MAN1B1: variants seen among roughly 807,000 people sequenced by gnomAD.
MAN1B1 encodes endoplasmic reticulum mannosyl-oligosaccharide 1,2-alpha-mannosidase.
A neutral mutation model predicts 75.5 loss-of-function variants in MAN1B1; 66 were observed. The ratio of observed to expected loss-of-function variants is 0.87; its 90% CI spans 0.72 to 1.07. The LOEUF (loss-of-function observed/expected upper bound fraction) is 1.07. Ranked by LOEUF, MAN1B1 falls within the 50% of genes least tolerant of loss-of-function variation. MAN1B1 has a pLI of 0.00. For synonymous variants in MAN1B1, 453 were observed against 382.8 expected (o/e 1.18, Z -2.14); for missense variants, 973 against 912.5 (o/e 1.07, Z -0.85).
chr9:137,099,673 C>T (rs1564281240), intron 5 of MAN1B1, 23 bp from the exon 6 acceptor site: 26 of 1,613,688 alleles, frequency 1.6e-5, no homozygotes, highest in Non-Finnish European at 1.9e-5. Flanking sequence ...CCGCCATGGC[C>T]TGTGCTCTCT....
At chr9:137,099,905 G>A in intron 6 of MAN1B1, 24 bp downstream of exon 6, 1 of 1,613,842 alleles carries the variant, frequency 6.2e-7, no homozygotes, top group Non-Finnish European at 8.5e-7. Flanking sequence ...TCTGGGGAGG[G>A]GCTGAGCCCT....
chr9:137,105,962 G>C lies in MAN1B1; in HGVS notation c.1255-163G>C, dbSNP rs1588649824. 4 of 710,558 alleles carry C rather than the reference G, an allele frequency of 5.6e-6. No individual in the cohort carries two copies. The East Asian group carries it at 8.1e-5, about 14-fold the overall frequency. 44.0% of individuals were successfully genotyped at this position (710,558 alleles called of 1,614,324 possible). Reference sequence around the variant, plus strand: ...TGTGGCTGTGTGGTACGGCCACCAGGAGCCATGTGGGCAAGGACAGCTGTG... The same window carrying C: ...TGTGGCTGTGTGGTACGGCCACCAGCAGCCATGTGGGCAAGGACAGCTGTG... On this transcript the variant is annotated intron_variant, in intron 8 of 12. Transcript: ENST00000371589.
At chr9:137,097,400 C>T (rs746015113) in intron 4 of MAN1B1, among the ~76,000 whole-genome samples, 1 of 152,190 alleles carries the variant, frequency 6.6e-6, no homozygotes, top group Non-Finnish European at 1.5e-5. Flanking sequence ...GGACAGAACT[C>T]GATGGGGAGT....
intron 8 of MAN1B1, chr9:137,103,720 G>C (rs1435520164): frequency 4.8e-5 from 21 of 435,404 alleles, no homozygotes; most frequent in Non-Finnish European, 1.4e-5. Flanking sequence ...GCAGGTCCGT[G>C]GTGTTACACA....
chr9:137,095,501 G>C (rs1055720579), intron 3 of MAN1B1, among the ~76,000 whole-genome samples: 1 of 152,010 alleles, frequency 6.6e-6, no homozygotes, highest in African/African-American at 2.4e-5. Flanking sequence ...GGAGGAATTC[G>C]TGAGGCCAGG....
chr9:137,101,045 C>G lies in MAN1B1; in HGVS notation c.957C>G (p.His319Gln). Residue 319 changes from histidine to glutamine, a missense_variant, in exon 7 of 13, where the codon CAC (histidine) becomes CAG (glutamine). His to Gln is a conservative substitution (Grantham distance 24). Coordinates refer to ENST00000371589, the MANE Select transcript of MAN1B1 (RefSeq NM_016219.5). ...EARKWVSKKLHFEKDVDVNLF... is the reference protein window; with the variant it reads ...EARKWVSKKLQFEKDVDVNLF... ...GGAAGTGGGTGTCGAAGAAGTTACA[C>G]TTTGAAAAGGACGTGGACGTCAACC... is the stretch of plus-strand genomic sequence containing the variant. 1 of 1,614,216 alleles carries G rather than the reference C, an allele frequency of 6.2e-7. No individual in the cohort carries two copies. Among genetic ancestry groups the G allele is most frequent in the Non-Finnish European group, 8.5e-7 (1 of 1,180,042 alleles).
rs374408786 is a variant in MAN1B1 at position 137,106,076 on chromosome 9, T to A, written c.1255-49T>A. The A allele has an allele frequency of 3.1e-4, 469 of 1,491,562 alleles. 5 individuals carry two copies. Among genetic ancestry groups the A allele is most frequent in the Non-Finnish European group, 6.2e-5 (67 of 1,073,766 alleles). The allele number at this position is 1,491,562 out of a possible 1,614,324, so 92.4% of individuals were successfully genotyped here. A position where few individuals can be genotyped will look rare whatever the true frequency, so the allele number is the denominator to read the frequency against. On this transcript the variant is annotated intron_variant, in intron 8 of 12. Transcript: ENST00000371589. Reference sequence around the variant, plus strand: ...CACAGAGCCCCTCTACAGCTCACCCTGCAGCTCGGCCCTGGCCAGTAAACC... The same window carrying A: ...CACAGAGCCCCTCTACAGCTCACCCAGCAGCTCGGCCCTGGCCAGTAAACC...
chr9:137,098,005 C>T (rs930794030), intron 5 of MAN1B1, 68 bp downstream of exon 5: 34 of 1,259,584 alleles, frequency 2.7e-5, no homozygotes, highest in African/African-American at 4.4e-5. Context: ...GTGCAGGCTT[C>T]GTCTCAGCCA....
intron 6 of MAN1B1, 49 bp from the exon 7 acceptor site, chr9:137,100,956 G>A (rs199928734): frequency 1.3e-4 from 206 of 1,608,762 alleles, no homozygotes; most frequent in Admixed American, 4.8e-4. Context: ...ATAGGAAAAC[G>A]TTGGAGCCAT....
chr9:137,105,532 C>T (rs1204393022), intron 8 of MAN1B1: 15 of 262,802 alleles, frequency 5.7e-5, no homozygotes, highest in African/African-American at 9.4e-5. Flanking sequence ...TGGGTGTCTG[C>T]GTTGGGTAGA....
chr9:137,104,142 C>G (rs981689639), intron 8 of MAN1B1: 1 of 445,430 alleles, frequency 2.2e-6, no homozygotes, highest in Non-Finnish European at 4.6e-6. Flanking sequence ...TCATGTCCCT[C>G]CCCAGTCCCT....
chr9:137,089,003 CA>C lies in MAN1B1; in HGVS notation c.464del (p.Gln155ArgfsTer23). 1.2e-6 allele frequency: 2 copies of C among 1,613,988 alleles called. No individual in the cohort carries two copies. The highest frequency in any genetic ancestry group is 1.7e-6 in the Non-Finnish European group (2 of 1,180,000). On this transcript the variant is annotated frameshift_variant and splice_region_variant, in exon 3 of 13. Coordinates refer to ENST00000371589, the MANE Select transcript of MAN1B1 (RefSeq NM_016219.5). LOFTEE classifies it high-confidence loss of function. ...DPENLPEISS[Q>X]KTQRHIQRGP... ...TGAGAACTTACCTGAGATTTCGTCA[CA>C]GGTACTTTGAGCAAATGGTGTGGGG... is the stretch of plus-strand genomic sequence containing the variant.
intron 1 of MAN1B1, 126 bp from the exon 2 acceptor site, chr9:137,087,949 A>C (rs1348646191): frequency 3.5e-6 from 3 of 856,768 alleles, no homozygotes; most frequent in Non-Finnish European, 5.7e-6. Flanking sequence ...TTCCAAAAAA[A>C]AAAAGAAATA....
rs914721991 is a variant in MAN1B1 at position 137,108,978 on chromosome 9, T to TC, written c.*391dup. On this transcript the variant is annotated 3_prime_UTR_variant, in exon 13 of 13. Transcript: ENST00000371589. ...GCCCGGGCTCGTGAAGCCTCAGATG[T>TC]CCCCAATCCAAGGGTCTGGAGGGGC... 1.1e-5 allele frequency: 5 copies of TC among 463,918 alleles called. No homozygotes were observed. The highest frequency in any genetic ancestry group is 2.2e-5 in the Non-Finnish European group (5 of 232,382). The allele number at this position is 463,918 out of a possible 1,614,324, so 28.7% of individuals were successfully genotyped here.
chr9:137,104,622 T>C (rs1831027966), intron 8 of MAN1B1: 1 of 170,586 alleles, frequency 5.9e-6, no homozygotes, highest in Non-Finnish European at 1.3e-5. Flanking sequence ...TCAGGCTGAA[T>C]ATCTGCTGCG....
chr9:137,101,758 T>G, intron 8 of MAN1B1, 86 bp downstream of exon 8: 3 of 1,420,730 alleles, frequency 2.1e-6, no homozygotes, highest in Non-Finnish European at 2.9e-6. Context: ...TGTGTGTGTA[T>G]GTGCATGTGT....
chr9:137,101,882 TAC>T, intron 8 of MAN1B1: 1 of 704,310 alleles, frequency 1.4e-6, no homozygotes, highest in Non-Finnish European at 2.5e-6. Flanking sequence ...TCGGTGGTGT[TAC>T]ACACATTCAC....
At chr9:137,088,363 A>G (rs2130986782) in intron 2 of MAN1B1, 180 bp downstream of exon 2, 2 of 1,591,776 alleles carry the variant, frequency 1.3e-6, no homozygotes, top group East Asian at 4.5e-5. Flanking sequence ...ACAGATGTTA[A>G]TTTGATGCTG....
intron 8 of MAN1B1, chr9:137,103,995 G>T (rs1831003056): frequency 6.6e-6 from 3 of 454,848 alleles, no homozygotes; most frequent in African/African-American, 4.0e-5. Context: ...ATGCAGGTCG[G>T]TGGTGTTACA....
Sources: allele counts gnomAD v4.1 joint callset (sites outside exome capture counted in the v4.1 genomes callset), GRCh38; gene constraint gnomAD v4.1.1; transcripts MANE v1.5; gene names NCBI Gene and HGNC (gene_info 2026-07-23, HGNC 2026-07-21).